SPATS2L: variants seen among roughly 807,000 people sequenced by gnomAD.
SPATS2L encodes spermatogenesis associated serine rich 2 like.
A neutral mutation model predicts 59.6 loss-of-function variants in SPATS2L; 30 were observed. That is an observed-to-expected ratio of 0.50 (90% CI 0.38 to 0.68). The LOEUF (loss-of-function observed/expected upper bound fraction) is 0.68. Among genes scored for constraint, SPATS2L ranks in the 30% least tolerant of loss-of-function variants. SPATS2L has a pLI of 0.00. For missense variants in SPATS2L, 615 were observed against 700.0 expected, an observed-to-expected ratio of 0.88 and a Z score of 1.37; for synonymous variants, 252 against 263.5, an observed-to-expected ratio of 0.96 and a Z score of 0.42.
chr2:200,396,033 A>AAAAAAAT (rs1553520464), intron 3 of SPATS2L, among the ~76,000 whole-genome samples: 29 of 21,122 alleles, frequency 1.4e-3, no homozygotes, highest in East Asian at 2.0e-3. Context: ...AAAAAAAAAA[A>AAAAAAAT]ATATATATAT....
At chr2:200,422,753 C>T (rs541006142) in intron 6 of SPATS2L, among the ~76,000 whole-genome samples, 70 of 152,162 alleles carry the variant, frequency 4.6e-4, no homozygotes, top group African/African-American at 1.6e-3. Flanking sequence ...CCTGAAATCA[C>T]GTACACTGTT....
Position 200,340,287 on chromosome 2 carries a change from T to C in SPATS2L, c.-23+10807T>C, listed in dbSNP as rs138298217. On this transcript the variant is annotated intron_variant, in intron 2 of 12. Coordinates refer to ENST00000409140, the MANE Select transcript of SPATS2L (RefSeq NM_001100423.2). Reference sequence around the variant, plus strand: ...TGTCTTCTTATGGCTGGTATGTGTTTTGTAGTTATTCTGGCCACCAGCAGT... The same window carrying C: ...TGTCTTCTTATGGCTGGTATGTGTTCTGTAGTTATTCTGGCCACCAGCAGT... Among the ~76,000 whole-genome samples the C allele has an allele frequency of 3.9e-5, 6 of 152,298 alleles. No individual in the cohort carries two copies. In the East Asian group the frequency reaches 5.8e-4, roughly 15 times the overall value.
intron 2 of SPATS2L, among the ~76,000 whole-genome samples, chr2:200,375,433 G>A (rs2081566754): frequency 6.6e-6 from 1 of 152,068 alleles, no homozygotes; most frequent in African/African-American, 2.4e-5. Context: ...AAAGATGGTA[G>A]GCAAGTTACC....
chr2:200,322,477 G>A (rs951291424), intron 1 of SPATS2L, among the ~76,000 whole-genome samples: 1 of 152,192 alleles, frequency 6.6e-6, no homozygotes, highest in South Asian at 2.1e-4. Context: ...TCAGGAAAGA[G>A]CTGTAATAAT....
At chr2:200,448,976 G>A (rs73988503) in intron 8 of SPATS2L, among the ~76,000 whole-genome samples, 1,861 of 152,134 alleles carry the variant, frequency 0.012, 42 homozygotes, top group African/African-American at 0.043. Context: ...AATAAGCTCC[G>A]GGATCTATTC....
intron 7 of SPATS2L, among the ~76,000 whole-genome samples, 162 bp from the exon 8 acceptor site, chr2:200,440,487 C>T (rs994426563): frequency 1.3e-5 from 2 of 152,210 alleles, no homozygotes; most frequent in Non-Finnish European, 2.9e-5. Context: ...AGGTGCCACA[C>T]AAGCCACCCA....
intron 8 of SPATS2L, among the ~76,000 whole-genome samples, chr2:200,453,479 A>T (rs2085610402): frequency 6.6e-6 from 1 of 152,226 alleles, no homozygotes; most frequent in African/African-American, 2.4e-5. Flanking sequence ...TGCTGGTAAT[A>T]CTTGGGGAGT....
chr2:200,396,014 A>G (rs1228379398), intron 3 of SPATS2L, among the ~76,000 whole-genome samples: 1 of 26,458 alleles, frequency 3.8e-5, no homozygotes, highest in African/African-American at 8.6e-5. Context: ...CGATCTGGAA[A>G]AAAAAAAAAA....
At chr2:200,462,726 T>C (rs2086323286) in intron 9 of SPATS2L, among the ~76,000 whole-genome samples, 1 of 152,128 alleles carries the variant, frequency 6.6e-6, no homozygotes, top group South Asian at 2.1e-4. Flanking sequence ...AGACCAAGCC[T>C]GGGCAACATA....
chr2:200,439,919 CAGA>C (rs2084573341), intron 7 of SPATS2L, among the ~76,000 whole-genome samples: 1 of 152,180 alleles, frequency 6.6e-6, no homozygotes, highest in Admixed American at 6.5e-5. Flanking sequence ...TTCTGATTCC[CAGA>C]AGATTAAATA....
At chr2:200,364,123 G>A (rs1461383662) in intron 2 of SPATS2L, among the ~76,000 whole-genome samples, 1 of 152,168 alleles carries the variant, frequency 6.6e-6, no homozygotes, top group Non-Finnish European at 1.5e-5. Context: ...GCTAAAGAAG[G>A]TGGGTGGCCT....
At chr2:200,471,866 CA>C (rs2087070085) in intron 11 of SPATS2L, among the ~76,000 whole-genome samples, 1 of 152,226 alleles carries the variant, frequency 6.6e-6, no homozygotes, top group African/African-American at 2.4e-5. Flanking sequence ...AGAGAGCAGA[CA>C]AAGTTGCTTT....
chr2:200,376,421 A>C (rs2081601826), intron 2 of SPATS2L, among the ~76,000 whole-genome samples: 1 of 152,242 alleles, frequency 6.6e-6, no homozygotes, highest in African/African-American at 2.4e-5. Flanking sequence ...AATTAAAATC[A>C]TATGAATTCT....
intron 3 of SPATS2L, among the ~76,000 whole-genome samples, chr2:200,401,863 C>A (rs899679349): frequency 1.3e-5 from 2 of 152,172 alleles, no homozygotes; most frequent in African/African-American, 4.8e-5. Flanking sequence ...TGGCTCAGTT[C>A]TTTTCTGGAG....
At chr2:200,395,357 CAA>C (rs1559094720) in intron 3 of SPATS2L, among the ~76,000 whole-genome samples, 1 of 152,142 alleles carries the variant, frequency 6.6e-6, no homozygotes, top group Non-Finnish European at 1.5e-5. Flanking sequence ...TTAATAGTTG[CAA>C]AGTGTCCAAT....
intron 3 of SPATS2L, among the ~76,000 whole-genome samples, chr2:200,409,616 T>C (rs2082806447): frequency 6.6e-6 from 1 of 152,224 alleles, no homozygotes; most frequent in African/African-American, 2.4e-5. Flanking sequence ...AGAAATTTAC[T>C]AGAATTCAAC....
chr2:200,449,879 T>C (rs933916500), intron 8 of SPATS2L, among the ~76,000 whole-genome samples: 1 of 152,184 alleles, frequency 6.6e-6, no homozygotes, highest in African/African-American at 2.4e-5. Context: ...GTTTGTCAGC[T>C]AAGTCAGCAA....
intron 2 of SPATS2L, among the ~76,000 whole-genome samples, chr2:200,361,774 T>G (rs1559068160): frequency 6.6e-6 from 1 of 152,226 alleles, no homozygotes; most frequent in Non-Finnish European, 1.5e-5. Flanking sequence ...AATAAAAGGA[T>G]TATTTACTGG....
At chr2:200,448,208 G>A (rs1176045526) in intron 8 of SPATS2L, among the ~76,000 whole-genome samples, 1 of 152,196 alleles carries the variant, frequency 6.6e-6, no homozygotes, top group African/African-American at 2.4e-5. Flanking sequence ...TTGGGAGGCT[G>A]AGGTGGGTAG....
Sources: allele counts gnomAD v4.1 joint callset (sites outside exome capture counted in the v4.1 genomes callset), GRCh38; gene constraint gnomAD v4.1.1; transcripts MANE v1.5; gene names NCBI Gene and HGNC (gene_info 2026-07-23, HGNC 2026-07-21).